SKIC3: variants seen among roughly 807,000 people sequenced by gnomAD.
SKIC3 encodes superkiller complex protein 3.
the SKIC3 span, among the ~76,000 whole-genome samples, chr5:95,495,791 G>C: frequency 6.6e-6 from 1 of 152,188 alleles, no homozygotes; most frequent in South Asian, 2.1e-4. Flanking sequence ...CAAGCCTACA[G>C]AATTAGAAGC....
At chr5:95,470,179 C>T in the SKIC3 span, among the ~76,000 whole-genome samples, 1 of 152,174 alleles carries the variant, frequency 6.6e-6, no homozygotes, top group Non-Finnish European at 1.5e-5. Context: ...GGGGTTTCAC[C>T]ATGTTAGCCA....
At chr5:95,509,659 G>A in the SKIC3 span, 1 of 1,613,488 alleles carries the variant, frequency 6.2e-7, no homozygotes, top group Non-Finnish European at 8.5e-7. Context: ...CCAACATTGT[G>A]AAAGCTGGGG....
At chr5:95,491,909 C>T in the SKIC3 span, among the ~76,000 whole-genome samples, 1 of 152,106 alleles carries the variant, frequency 6.6e-6, no homozygotes, top group Admixed American at 6.5e-5. Flanking sequence ...GACACTTGAT[C>T]ATACTTATTA....
the SKIC3 span, among the ~76,000 whole-genome samples, chr5:95,486,024 C>T: frequency 1.3e-5 from 2 of 152,248 alleles, no homozygotes; most frequent in Admixed American, 1.3e-4. Flanking sequence ...ATAATTCTAG[C>T]CATAAGACAA....
chr5:95,528,786 GA>G, the SKIC3 span: 1 of 551,314 alleles, frequency 1.8e-6, no homozygotes, highest in Non-Finnish European at 3.2e-6. Flanking sequence ...CCAAATGCAG[GA>G]AAATTTTGCT....
At chr5:95,542,030 T>C in the SKIC3 span, 144 of 703,784 alleles carry the variant, frequency 2.0e-4, 1 homozygote, top group South Asian at 1.7e-3. Context: ...TTATTATAAT[T>C]TACAAATGAA....
chr5:95,478,537 G>A, the SKIC3 span: 1 of 1,544,224 alleles, frequency 6.5e-7, no homozygotes, highest in Non-Finnish European at 8.9e-7. Context: ...CTTTGTCGTA[G>A]TAAAAATGTT....
At chr5:95,505,449 T>A in the SKIC3 span, among the ~76,000 whole-genome samples, 1 of 152,232 alleles carries the variant, frequency 6.6e-6, no homozygotes, top group African/African-American at 2.4e-5. Context: ...CGTGCTTTTG[T>A]GGAGAAAATA....
At chr5:95,506,943 C>A in the SKIC3 span, 1 of 1,613,234 alleles carries the variant, frequency 6.2e-7, no homozygotes, top group Non-Finnish European at 8.5e-7. Context: ...CCATAACAAT[C>A]TGCCGTAATT....
chr5:95,516,417 AC>A, the SKIC3 span: 1 of 1,613,094 alleles, frequency 6.2e-7, no homozygotes, highest in Non-Finnish European at 8.5e-7. Context: ...ATTCTAAAAA[AC>A]ATAACATTTT....
chr5:95,522,655 A>G, the SKIC3 span, among the ~76,000 whole-genome samples: 3 of 152,120 alleles, frequency 2.0e-5, no homozygotes, highest in African/African-American at 7.2e-5. Flanking sequence ...TCCTTTTACC[A>G]AACAGAAATA....
the SKIC3 span, chr5:95,497,319 T>C: frequency 2.6e-6 from 3 of 1,139,210 alleles, 1 homozygote; most frequent in Admixed American, 2.0e-5. Context: ...TTGTACAAAT[T>C]ATCTTGCAGA....
the SKIC3 span, chr5:95,516,684 C>A: frequency 1.2e-5 from 20 of 1,613,212 alleles, no homozygotes; most frequent in South Asian, 2.2e-5. Flanking sequence ...CTGTAACATG[C>A]AACCACACCA....
At chr5:95,526,745 G>A in the SKIC3 span, among the ~76,000 whole-genome samples, 1 of 152,094 alleles carries the variant, frequency 6.6e-6, no homozygotes, top group African/African-American at 2.4e-5. Context: ...TTAGAGGCAT[G>A]AGCCACTGTG....
At chr5:95,477,948 A>T in the SKIC3 span, among the ~76,000 whole-genome samples, 1 of 152,222 alleles carries the variant, frequency 6.6e-6, no homozygotes, top group African/African-American at 2.4e-5. Flanking sequence ...AATGAGAATG[A>T]CTGAAATGTT....
At chr5:95,550,491 C>T in the SKIC3 span, 1 of 149,270 alleles carries the variant, frequency 6.7e-6, no homozygotes, top group Admixed American at 6.6e-5. Flanking sequence ...AAAACTATGC[C>T]ATTAAATCTT....
At chr5:95,478,158 G>T in the SKIC3 span, 1 of 1,020,616 alleles carries the variant, frequency 9.8e-7, no homozygotes, top group Non-Finnish European at 1.4e-6. Flanking sequence ...AATACAAAGT[G>T]TATCAAGAAG....
chr5:95,485,617 C>T, the SKIC3 span, among the ~76,000 whole-genome samples: 1 of 152,076 alleles, frequency 6.6e-6, no homozygotes, highest in African/African-American at 2.4e-5. Context: ...TAGGGTAATG[C>T]TGGCCTCATA....
At chr5:95,552,152 C>A in the SKIC3 span, among the ~76,000 whole-genome samples, 1 of 152,098 alleles carries the variant, frequency 6.6e-6, no homozygotes, top group Non-Finnish European at 1.5e-5. Context: ...ACAATATTTT[C>A]AAGTTAAAAT....
Sources: gnomAD v4.1 joint callset for allele counts (sites outside exome capture counted in the v4.1 genomes callset) on GRCh38, gnomAD v4.1.1 for gene constraint, MANE v1.5 for transcripts, NCBI Gene and HGNC (gene_info 2026-07-23, HGNC 2026-07-21) for gene names.